MAP3K13: variants seen among roughly 807,000 people sequenced by gnomAD.
MAP3K13 encodes the protein leucine zipper-bearing kinase.
MAP3K13 carries 52 observed loss-of-function variants against 104.0 expected under a neutral mutation model. The observed-to-expected ratio is 0.50, with a 90% CI of 0.40 to 0.63. The LOEUF (loss-of-function observed/expected upper bound fraction) is 0.63, where lower values mean the gene tolerates loss of function less well. Ranked by LOEUF, MAP3K13 falls within the 20% of genes least tolerant of loss-of-function variation. The probability of loss-of-function intolerance (pLI) is 0.00; values close to 1 mark genes in which losing one functional copy is unlikely to be tolerated. For synonymous variants in MAP3K13, 394 were observed against 442.2 expected (o/e 0.89, Z 1.37); for missense variants, 914 against 1,218.5 (o/e 0.75, Z 3.72).
At chr3:185,362,982 C>A, upstream of MAP3K13, 2 of 507,726 alleles carry the variant, frequency 3.9e-6, no homozygotes, top group Non-Finnish European at 5.1e-6. Context: ...CACACACACA[C>A]TCAAGCTGCC....
intron 1 of MAP3K13, among the ~76,000 whole-genome samples, chr3:185,424,365 TG>T (rs1375583696): frequency 6.6e-6 from 1 of 152,226 alleles, no homozygotes; most frequent in African/African-American, 2.4e-5. Flanking sequence ...TGTTCCATCG[TG>T]TTGTAAAAAA....
chr3:185,294,721 C>CA (rs778223998), intron 2 of MAP3K13, among the ~76,000 whole-genome samples: 10 of 152,184 alleles, frequency 6.6e-5, no homozygotes, highest in Non-Finnish European at 1.3e-4. Context: ...ACTCCTTTGC[C>CA]AAAAAATGGC....
chr3:185,330,133 C>T (rs1038412836), intron 2 of MAP3K13, among the ~76,000 whole-genome samples: 1 of 148,866 alleles, frequency 6.7e-6, no homozygotes, highest in Middle Eastern at 3.5e-3. Context: ...GATCTCCTGA[C>T]CTCGTGATCC....
At chr3:185,304,965 A>G (rs1013756243) in intron 2 of MAP3K13, among the ~76,000 whole-genome samples, 4 of 152,076 alleles carry the variant, frequency 2.6e-5, no homozygotes, top group Non-Finnish European at 4.4e-5. Context: ...ATTTGCATGG[A>G]ATATCTTTTT....
At chr3:185,421,698 C>T (rs1272405766) in intron 1 of MAP3K13, among the ~76,000 whole-genome samples, 3 of 152,126 alleles carry the variant, frequency 2.0e-5, no homozygotes, top group African/African-American at 4.8e-5. Flanking sequence ...GTACCTGAGC[C>T]AGATTTGCAC....
At chr3:185,387,908 G>C (rs1051402202) in intron 1 of MAP3K13, among the ~76,000 whole-genome samples, 2 of 152,020 alleles carry the variant, frequency 1.3e-5, no homozygotes, top group African/African-American at 4.8e-5. Flanking sequence ...CTTATATATA[G>C]AAAATCCTAA....
chr3:185,380,511 A>G (rs1470708237), intron 1 of MAP3K13, among the ~76,000 whole-genome samples: 1 of 99,850 alleles, frequency 1.0e-5, no homozygotes, highest in Admixed American at 9.6e-5. Flanking sequence ...CTCCATCTCA[A>G]AAAAAAAAAA....
At chr3:185,434,581 A>G (rs1181805839) in intron 2 of MAP3K13, among the ~76,000 whole-genome samples, 2 of 152,216 alleles carry the variant, frequency 1.3e-5, no homozygotes, top group African/African-American at 2.4e-5. Flanking sequence ...TATAATAAAA[A>G]TAGGAACTAC....
intron 1 of MAP3K13, among the ~76,000 whole-genome samples, chr3:185,426,372 G>T (rs534523098): frequency 2.4e-4 from 36 of 152,258 alleles, no homozygotes; most frequent in Non-Finnish European, 4.6e-4. Flanking sequence ...GAGCTACCAC[G>T]CCAGCCAAGG....
At chr3:185,376,226 C>T (rs1426625147) in intron 1 of MAP3K13, among the ~76,000 whole-genome samples, 3 of 151,350 alleles carry the variant, frequency 2.0e-5, no homozygotes, top group Non-Finnish European at 4.4e-5. Flanking sequence ...CCAGGAACGA[C>T]GATAACTGTG....
At chr3:185,334,807 C>T (rs1722418387) in intron 2 of MAP3K13, among the ~76,000 whole-genome samples, 3 of 152,148 alleles carry the variant, frequency 2.0e-5, no homozygotes, top group Middle Eastern at 3.4e-3. Context: ...CGGTGTTTCA[C>T]CATGTTGGCC....
intron 2 of MAP3K13, among the ~76,000 whole-genome samples, chr3:185,325,141 G>T (rs568174611): frequency 1.3e-5 from 2 of 152,316 alleles, no homozygotes; most frequent in South Asian, 2.1e-4. Flanking sequence ...AGGCTGAAAA[G>T]GTTACTTACT....
intron 2 of MAP3K13, among the ~76,000 whole-genome samples, chr3:185,341,970 A>G (rs1722738223): frequency 6.6e-6 from 1 of 152,238 alleles, no homozygotes; most frequent in African/African-American, 2.4e-5. Flanking sequence ...GGTCATAAGA[A>G]GCACTGCAGC....
chr3:185,422,110 G>A (rs936919496), intron 1 of MAP3K13, among the ~76,000 whole-genome samples: 2 of 152,216 alleles, frequency 1.3e-5, no homozygotes, highest in Non-Finnish European at 2.9e-5. Flanking sequence ...CTGTGGATAG[G>A]CGCAGGGTCA....
At chr3:185,298,161 C>G (rs1720984057) in intron 2 of MAP3K13, among the ~76,000 whole-genome samples, 1 of 152,084 alleles carries the variant, frequency 6.6e-6, no homozygotes. Flanking sequence ...GCAAAATGTG[C>G]TAGTTCTTAT....
At position 185,418,829 on chromosome 3, in the gene MAP3K13, GA is replaced by G; in HGVS notation, c.-85-9664del. 6.5e-7 allele frequency: 1 copy of G among 1,545,150 alleles called. No homozygotes were observed. Among genetic ancestry groups the G allele is most frequent in the Non-Finnish European group, 8.8e-7 (1 of 1,136,492 alleles). On this transcript the variant is annotated intron_variant, in intron 1 of 13. Coordinates refer to ENST00000265026, the MANE Select transcript of MAP3K13 (RefSeq NM_004721.5). The surrounding 1 kb of genome is among the most constrained non-coding windows in gnomAD (Gnocchi z 4.5). ...CCTCTCAGCCCGGCTGCTGCCACAG[GA>G]AAAGCATGTTCTTGTCTTTTCATCT...
At chr3:185,471,584 T>G (rs1160817563) in intron 10 of MAP3K13, among the ~76,000 whole-genome samples, 1 of 147,206 alleles carries the variant, frequency 6.8e-6, no homozygotes, top group East Asian at 2.1e-4. Context: ...CTCAGCCCCC[T>G]GAGTAGCTGG....
chr3:185,378,473 G>A (rs1384234201), intron 1 of MAP3K13, among the ~76,000 whole-genome samples: 1 of 152,168 alleles, frequency 6.6e-6, no homozygotes, highest in Non-Finnish European at 1.5e-5. Context: ...TTGCTGGGCA[G>A]GTTGGGGAGG....
At chr3:185,459,552 A>G (rs566801275) in intron 7 of MAP3K13, among the ~76,000 whole-genome samples, 14 of 152,002 alleles carry the variant, frequency 9.2e-5, no homozygotes, top group African/African-American at 3.4e-4. Context: ...GGTTCAAGCT[A>G]TTCTCTCCTG....
Sources: allele counts gnomAD v4.1 joint callset (sites outside exome capture counted in the v4.1 genomes callset), GRCh38; gene constraint gnomAD v4.1.1; non-coding constraint Gnocchi (gnomAD v3.1); transcripts MANE v1.5; gene names NCBI Gene and HGNC (gene_info 2026-07-23, HGNC 2026-07-21).